SRGAP2: variants seen among roughly 807,000 people sequenced by gnomAD.
SRGAP2 encodes SLIT-ROBO Rho GTPase-activating protein 2.
In SRGAP2, 15 loss-of-function variants were observed where a neutral mutation model predicts 57.2. The observed-to-expected ratio is 0.26, with a 90% confidence interval of 0.18 to 0.40. SRGAP2 has a LOEUF of 0.40. Ranked by LOEUF, SRGAP2 falls within the 10% of genes least tolerant of loss-of-function variation. SRGAP2 has a pLI of 1.00. For missense variants in SRGAP2, 520 were observed against 669.6 expected (o/e 0.78, Z 2.47); for synonymous variants, 249 against 248.0 (o/e 1.00, Z -0.04).
At chr1:206,350,452 A>G (rs551496835) in intron 4 of SRGAP2, among the ~76,000 whole-genome samples, 1 of 151,882 alleles carries the variant, frequency 6.6e-6, no homozygotes, top group South Asian at 2.1e-4. Flanking sequence ...ACATTTTATT[A>G]TGTAAATTAT....
At chr1:206,431,766 G>A (rs1661295816) in intron 14 of SRGAP2, among the ~76,000 whole-genome samples, 1 of 152,242 alleles carries the variant, frequency 6.6e-6, no homozygotes, top group South Asian at 2.1e-4. Flanking sequence ...AGGGGATGGA[G>A]AAGGAAGAGG....
intron 2 of SRGAP2, among the ~76,000 whole-genome samples, chr1:206,293,062 G>A (rs1232562885): frequency 1.3e-5 from 2 of 152,214 alleles, no homozygotes; most frequent in Non-Finnish European, 2.9e-5. Flanking sequence ...CTACAGGAAC[G>A]TAGGGTCTGG....
At position 206,435,385 on chromosome 1, in the gene SRGAP2, A is replaced by G. The variant is rs527536032; in HGVS notation, c.1556-1580A>G. Among the ~76,000 whole-genome samples, 267 of 152,348 alleles carry G rather than the reference A, an allele frequency of 1.8e-3. No homozygotes were observed. In the Middle Eastern group the frequency reaches 0.02, roughly 12 times the overall value. On this transcript the variant is annotated intron_variant, in intron 14 of 22. Coordinates refer to ENST00000573034, the MANE Select transcript of SRGAP2 (RefSeq NM_015326.5). ...GGTTTTTGAAGGATTGTGCCGTAAC[A>G]GAGGGATTTTGACAGAATGCTTAAG...
rs1386540353 is a variant in SRGAP2, at chr1:206,461,208, A to G, written c.3004A>G (p.Lys1002Glu). 1.3e-6 allele frequency: 1 copy of G among 780,416 alleles called. No individual in the cohort carries two copies. Among genetic ancestry groups the G allele is most frequent in the Non-Finnish European group, 2.4e-6 (1 of 417,822 alleles). 48.3% of individuals were successfully genotyped at this position (780,416 alleles called of 1,614,324 possible). ...CAGCCCTCTGCACACCCAGCTCCTC[A>G]AGGACCCCGAGCCCGCCTTCCAGCG... ...PSSPLHTQLL[K>E]DPEPAFQRSA... Residue 1002 changes from lysine (K) to glutamate (E), a missense_variant, in exon 23 of 23, where the codon AAG becomes GAG. Around this residue, in one of 5 missense-constraint regions of SRGAP2, gnomAD observed 478 missense variants for 373.6 expected, o/e 1.28. Transcript: ENST00000573034.
chr1:206,306,452 G>A (rs1285995588), intron 3 of SRGAP2, among the ~76,000 whole-genome samples: 1 of 152,180 alleles, frequency 6.6e-6, no homozygotes, highest in African/African-American at 2.4e-5. Context: ...TGCGGTGAGT[G>A]TTACAGCTCA....
chr1:206,402,493 T>C (rs1553356079), intron 8 of SRGAP2, among the ~76,000 whole-genome samples: 2 of 152,258 alleles, frequency 1.3e-5, no homozygotes, highest in Non-Finnish European at 2.9e-5. Flanking sequence ...CCATTTCTCC[T>C]ACTGGTGAAA....
chr1:206,347,214 T>C (rs1332441228), intron 4 of SRGAP2, among the ~76,000 whole-genome samples: 1 of 150,100 alleles, frequency 6.7e-6, no homozygotes, highest in Non-Finnish European at 1.5e-5. Flanking sequence ...ATCATGCCAC[T>C]GTACTCTAGC....
chr1:206,255,095 C>A (rs1669103914), intron 2 of SRGAP2, among the ~76,000 whole-genome samples: 1 of 146,966 alleles, frequency 6.8e-6, no homozygotes, highest in Admixed American at 6.8e-5. Context: ...TCCTTTGGGC[C>A]CTGTGTTCTA....
intron 13 of SRGAP2, among the ~76,000 whole-genome samples, chr1:206,429,729 A>G (rs2103285913): frequency 6.6e-6 from 1 of 152,360 alleles, no homozygotes; most frequent in African/African-American, 2.4e-5. Context: ...CCCTTTTAAG[A>G]TTACCTAATT....
chr1:206,314,280 A>C (rs1672905795), intron 3 of SRGAP2, among the ~76,000 whole-genome samples: 1 of 151,972 alleles, frequency 6.6e-6, no homozygotes, highest in African/African-American at 2.4e-5. Flanking sequence ...GATTATAGGC[A>C]TGCGCCACGA....
chr1:206,363,121 A>G (rs1174862773), intron 4 of SRGAP2, among the ~76,000 whole-genome samples: 1 of 152,112 alleles, frequency 6.6e-6, no homozygotes, highest in Non-Finnish European at 1.5e-5. Flanking sequence ...AGGAAGTATA[A>G]TAGATGAAAA....
In SRGAP2 at chr1:206,463,963, T is replaced by C. The variant is rs1459765347; in HGVS notation, c.*2543T>C. On this transcript the variant is annotated 3_prime_UTR_variant, in exon 23 of 23. Coordinates refer to ENST00000573034, the MANE Select transcript of SRGAP2 (RefSeq NM_015326.5). ...TCAAAGAGCCCTGCTCCACCCCTCA[T>C]GGCATGGATCCTTTTCCTGGTGTGG... 6.6e-6 allele frequency: 1 copy of C among 152,646 alleles called. No individual in the cohort carries two copies. Among genetic ancestry groups the C allele is most frequent in the Non-Finnish European group, 1.5e-5 (1 of 68,080 alleles). The allele number at this position is 152,646 out of a possible 1,614,324, so 9.5% of individuals were successfully genotyped here.
At chr1:206,446,812 T>G (rs981520410) in intron 18 of SRGAP2, among the ~76,000 whole-genome samples, 1 of 152,206 alleles carries the variant, frequency 6.6e-6, no homozygotes, top group Admixed American at 6.5e-5. Flanking sequence ...GCCTTGTTTT[T>G]GGCAGGTTAG....
At chr1:206,216,207 C>A (rs1666633763) in intron 2 of SRGAP2, among the ~76,000 whole-genome samples, 1 of 150,870 alleles carries the variant, frequency 6.6e-6, no homozygotes, top group Non-Finnish European at 1.5e-5. Flanking sequence ...GCTGGCACAG[C>A]CCTCTTTAGA....
chr1:206,450,265 T>C (rs1458647516), intron 18 of SRGAP2, 121 bp from the exon 19 acceptor site: 3 of 636,968 alleles, frequency 4.7e-6, no homozygotes, highest in African/African-American at 3.6e-5. Context: ...TTGTGTGCAG[T>C]TAGGATATAG....
rs529426209 is a variant in SRGAP2, at chr1:206,388,288, C to T, written c.486+4212C>T. ...TGTGTGCTGGCAGAGCTACTTCAGA[C>T]TGGTATTTAGCACCTGTTCCCTTGA... On this transcript the variant is annotated intron_variant, in intron 5 of 22. Coordinates refer to ENST00000573034, the MANE Select transcript of SRGAP2 (RefSeq NM_015326.5). Among the ~76,000 whole-genome samples the T allele has an allele frequency of 2.0e-5, 3 of 152,346 alleles. 1 individual carries two copies. In the South Asian group the frequency reaches 6.2e-4, roughly 32 times the overall value.
chr1:206,459,543 A>G (rs571243405), intron 22 of SRGAP2, among the ~76,000 whole-genome samples: 2 of 151,244 alleles, frequency 1.3e-5, no homozygotes, highest in Admixed American at 6.6e-5. Context: ...CCTTCTGTGT[A>G]TGCACCGCAC....
intron 3 of SRGAP2, among the ~76,000 whole-genome samples, chr1:206,314,104 TG>T (rs1449282628): frequency 1.5e-5 from 2 of 132,086 alleles, no homozygotes; most frequent in African/African-American, 2.9e-5. Flanking sequence ...TTGTTTTTTT[TG>T]TTTTTTTTTT....
intron 3 of SRGAP2, among the ~76,000 whole-genome samples, chr1:206,307,141 CAG>C (rs1281163540): frequency 1.3e-5 from 2 of 152,162 alleles, no homozygotes; most frequent in African/African-American, 4.8e-5. Flanking sequence ...GAGCTAAACA[CAG>C]GGTGCTGATT....
Sources: allele counts gnomAD v4.1 joint callset (sites outside exome capture counted in the v4.1 genomes callset), GRCh38; gene constraint gnomAD v4.1.1; regional missense constraint gnomAD v4.1.1; transcripts MANE v1.5; gene names NCBI Gene and HGNC (gene_info 2026-07-23, HGNC 2026-07-21).